Variants in UBE2D2 observed in about 807,000 individuals in gnomAD.
UBE2D2 encodes the protein ubiquitin-conjugating enzyme E2 D2.
UBE2D2 carries 2 observed loss-of-function variants against 24.2 expected under a neutral mutation model. The ratio of observed to expected loss-of-function variants is 0.08; its 90% confidence interval spans 0.03 to 0.26. The LOEUF (loss-of-function observed/expected upper bound fraction) is 0.26, where lower values mean the gene tolerates loss of function less well. Among genes scored for constraint, UBE2D2 ranks in the 10% least tolerant of loss-of-function variants. UBE2D2 has a pLI of 1.00. For synonymous variants in UBE2D2, 58 were observed against 56.5 expected (o/e 1.03, Z -0.12); for missense variants, 44 against 177.6 (o/e 0.25, Z 4.28).
chr5:139,541,114 A>G (rs988137142), intron 1 of UBE2D2, among the ~76,000 whole-genome samples: 14 of 152,168 alleles, frequency 9.2e-5, no homozygotes, highest in Admixed American at 8.5e-4. Context: ...CCTGGCCAAC[A>G]TGGTGAAACA....
At chr5:139,610,573 T>C (rs527992093) in intron 2 of UBE2D2, among the ~76,000 whole-genome samples, 4 of 149,038 alleles carry the variant, frequency 2.7e-5, no homozygotes, top group Non-Finnish European at 4.5e-5. Flanking sequence ...TTGCTTGATA[T>C]GAAAAAAATC....
intron 1 of UBE2D2, among the ~76,000 whole-genome samples, chr5:139,578,434 TTGTGTGTG>T (rs34697798): frequency 4.1e-5 from 6 of 145,074 alleles, no homozygotes; most frequent in East Asian, 2.0e-4. Flanking sequence ...GTTTTGTGTT[TTGTGTGTG>T]TGTGTGTGTG....
intron 1 of UBE2D2, among the ~76,000 whole-genome samples, chr5:139,536,093 TTTTA>T (rs775149554): frequency 5.2e-4 from 78 of 151,036 alleles, no homozygotes; most frequent in Admixed American, 2.1e-3. Context: ...TTATTTATTA[TTTTA>T]TTTATTTATT....
intron 1 of UBE2D2, among the ~76,000 whole-genome samples, chr5:139,590,189 G>T (rs1338643869): frequency 6.6e-6 from 1 of 152,060 alleles, no homozygotes; most frequent in Non-Finnish European, 1.5e-5. Flanking sequence ...ATCTGTTGTG[G>T]TTTAGACATA....
chr5:139,561,809 C>T lies in UBE2D2; in HGVS notation c.18C>T (p.Ile6=). ...CTCCCACCATGGCTCTGAAGAGAAT[C>T]CACAAGGTAAGCGGCCGGAGGTCGG... MALKR[I]HKELNDLARD... The change falls in exon 1 of 7, where the codon ATC becomes ATT. Residue 6 remains isoleucine, a synonymous_variant. Transcript: ENST00000398733. 1 of 1,478,098 alleles carries T rather than the reference C, an allele frequency of 6.8e-7. No individual in the cohort carries two copies. The highest frequency in any genetic ancestry group is 9.0e-7 in the Non-Finnish European group (1 of 1,116,738). The allele number at this position is 1,478,098 out of a possible 1,614,324, so 91.6% of individuals were successfully genotyped here.
At chr5:139,626,625 G>A (rs1754634370) in intron 6 of UBE2D2, 131 bp from the exon 7 acceptor site, 6 of 709,192 alleles carry the variant, frequency 8.5e-6, no homozygotes, top group Non-Finnish European at 1.5e-5. Flanking sequence ...AGAAATTTGG[G>A]ATAGAAAGGG....
intron 1 of UBE2D2, chr5:139,562,055 G>A (rs1753112417): frequency 6.0e-6 from 5 of 826,960 alleles, no homozygotes; most frequent in Non-Finnish European, 8.9e-6. Flanking sequence ...TGCCCTTCCA[G>A]GCCCGCATGG....
chr5:139,579,306 C>T (rs1753546104), intron 1 of UBE2D2, among the ~76,000 whole-genome samples: 1 of 152,082 alleles, frequency 6.6e-6, no homozygotes, highest in Admixed American at 6.6e-5. Flanking sequence ...CGCCACCACA[C>T]CCGGTTTATT....
chr5:139,600,773 T>C (rs1199726064), intron 2 of UBE2D2, among the ~76,000 whole-genome samples: 3 of 152,170 alleles, frequency 2.0e-5, no homozygotes, highest in Non-Finnish European at 4.4e-5. Flanking sequence ...TCTGACTTTC[T>C]ACTGACTCAT....
chr5:139,566,247 G>C (rs964916300), intron 1 of UBE2D2, among the ~76,000 whole-genome samples: 2 of 152,062 alleles, frequency 1.3e-5, no homozygotes, highest in Non-Finnish European at 2.9e-5. Context: ...TTGAACTCCT[G>C]ACGTCAGGAG....
chr5:139,598,706 G>C (rs960793409), intron 1 of UBE2D2, among the ~76,000 whole-genome samples: 3 of 149,950 alleles, frequency 2.0e-5, no homozygotes, highest in Non-Finnish European at 4.4e-5. Context: ...GATTACAGGC[G>C]TGTGCCACCA....
intron 1 of UBE2D2, among the ~76,000 whole-genome samples, chr5:139,549,373 G>A (rs375550695): frequency 4.5e-4 from 69 of 152,302 alleles, no homozygotes; most frequent in African/African-American, 9.1e-4. Flanking sequence ...CTGGGGCTGC[G>A]CGCATGGCAC....
chr5:139,578,384 T>C (rs990455810), intron 1 of UBE2D2, among the ~76,000 whole-genome samples: 71 of 152,136 alleles, frequency 4.7e-4, no homozygotes, highest in African/African-American at 1.7e-3. Flanking sequence ...CACTTAGTTA[T>C]TTTCTGCCTT....
intron 1 of UBE2D2, among the ~76,000 whole-genome samples, chr5:139,595,892 G>GT (rs70988709): frequency 0.015 from 1,513 of 98,834 alleles, 36 homozygotes; most frequent in Non-Finnish European, 0.02. Context: ...GTTTTTTGTT[G>GT]TTTTTTTTTT....
intron 1 of UBE2D2, among the ~76,000 whole-genome samples, chr5:139,573,915 G>A (rs1182808169): frequency 6.6e-6 from 1 of 152,086 alleles, no homozygotes; most frequent in Non-Finnish European, 1.5e-5. Flanking sequence ...AGCTTGCAGT[G>A]AGCTGAGATC....
At chr5:139,602,130 C>T (rs1436905690) in intron 2 of UBE2D2, among the ~76,000 whole-genome samples, 1 of 152,074 alleles carries the variant, frequency 6.6e-6, no homozygotes, top group African/African-American at 2.4e-5. Context: ...CGGCTCACTG[C>T]AAGCTCCGCC....
chr5:139,620,273 G>A (rs188663057), intron 5 of UBE2D2, among the ~76,000 whole-genome samples: 58 of 152,192 alleles, frequency 3.8e-4, no homozygotes, highest in Admixed American at 3.5e-3. Context: ...GCTAAGTAGT[G>A]TACTAAAAAT....
intron 1 of UBE2D2, among the ~76,000 whole-genome samples, chr5:139,576,347 C>A (rs1208092823): frequency 1.3e-5 from 2 of 152,148 alleles, no homozygotes; most frequent in African/African-American, 4.8e-5. Flanking sequence ...GTCAGCATTC[C>A]TTGGCTCCTT....
At chr5:139,550,794 T>G (rs1179501266) in intron 1 of UBE2D2, among the ~76,000 whole-genome samples, 1 of 151,774 alleles carries the variant, frequency 6.6e-6, no homozygotes, top group African/African-American at 2.4e-5. Flanking sequence ...CTGAAGCCAG[T>G]GAGACCACAA....
Sources: allele counts gnomAD v4.1 joint callset (sites outside exome capture counted in the v4.1 genomes callset), GRCh38; gene constraint gnomAD v4.1.1; transcripts MANE v1.5; gene names NCBI Gene and HGNC (gene_info 2026-07-23, HGNC 2026-07-21).